The following ESR1 variants were observed in gnomAD, a reference collection of about 807,000 sequenced individuals.
ESR1 encodes estrogen receptor.
A neutral mutation model predicts 52.7 loss-of-function variants in ESR1; 12 were observed. That is an observed-to-expected ratio of 0.23 (90% CI 0.15 to 0.37). The LOEUF (loss-of-function observed/expected upper bound fraction) is 0.37, where lower values mean the gene tolerates loss of function less well. ESR1 is among the 10% of genes least tolerant of loss of function. The probability of loss-of-function intolerance (pLI) is 1.00; values close to 1 mark genes in which losing one functional copy is unlikely to be tolerated. For missense variants in ESR1, 584 were observed against 779.7 expected (o/e 0.75, Z 2.99); for synonymous variants, 305 against 316.8 (o/e 0.96, Z 0.39).
At chr6:151,928,813 G>C (rs911138221) in intron 3 of ESR1, among the ~76,000 whole-genome samples, 8 of 151,362 alleles carry the variant, frequency 5.3e-5, no homozygotes, top group African/African-American at 1.9e-4. Flanking sequence ...CTTTTTCTTT[G>C]ACTCATACGT....
At chr6:151,692,625 G>A (rs3020336) in intron 1 of ESR1, among the ~76,000 whole-genome samples, 2 of 151,908 alleles carry the variant, frequency 1.3e-5, no homozygotes, top group African/African-American at 4.8e-5. Flanking sequence ...AGAAAGAGGC[G>A]CCATCTGTGA....
intron 5 of ESR1, among the ~76,000 whole-genome samples, chr6:152,032,196 C>T (rs2044778694): frequency 6.6e-6 from 1 of 152,158 alleles, no homozygotes; most frequent in South Asian, 2.1e-4. Flanking sequence ...ACTGAATGGA[C>T]AAAACCTGGG....
intron 2 of ESR1, among the ~76,000 whole-genome samples, chr6:151,861,596 G>A (rs920597204): frequency 4.6e-5 from 7 of 152,226 alleles, no homozygotes; most frequent in South Asian, 2.1e-4. Context: ...AGGTGACCAC[G>A]TTCACTGCAA....
intron 6 of ESR1, among the ~76,000 whole-genome samples, chr6:152,080,037 G>A (rs1477757636): frequency 2.0e-5 from 3 of 152,268 alleles, no homozygotes; most frequent in East Asian, 3.9e-4. Flanking sequence ...GGGAAGTGAT[G>A]GGGAGAATGG....
Position 152,099,111 on chromosome 6 carries a change from G to A in ESR1, c.*145G>A, listed in dbSNP as rs1290842046. ...TTTCTAGATGAGTGGCCATTCATTTGCTTGCTCAGTTCTTAGTGGCACATC... is the reference window on the plus strand; with the variant it reads ...TTTCTAGATGAGTGGCCATTCATTTACTTGCTCAGTTCTTAGTGGCACATC... On this transcript the variant is annotated 3_prime_UTR_variant, in exon 8 of 8. Transcript: ENST00000206249. 7.2e-6 allele frequency: 5 copies of A among 695,234 alleles called. No individual in the cohort carries two copies. The highest frequency in any genetic ancestry group is 7.7e-6 in the Non-Finnish European group (3 of 390,188). The allele number at this position is 695,234 out of a possible 1,614,324, so 43.1% of individuals were successfully genotyped here. A position where few individuals can be genotyped will look rare whatever the true frequency, so the allele number is the denominator to read the frequency against.
intron 2 of ESR1, among the ~76,000 whole-genome samples, chr6:151,855,667 G>T (rs1787699040): frequency 6.6e-6 from 1 of 152,170 alleles, no homozygotes; most frequent in Non-Finnish European, 1.5e-5. Flanking sequence ...AAGGTGAAAG[G>T]TTGTGATAAT....
rs76820811 is a variant in ESR1 at position 151,728,457 on chromosome 6, A to G, written c.-71+26452A>G. Among the ~76,000 whole-genome samples the G allele has an allele frequency of 6.2e-3, 947 of 152,358 alleles. 14 individuals carry two copies. Among genetic ancestry groups the G allele is most frequent in the African/African-American group, 0.022 (910 of 41,582 alleles). ...AAAACACTGAGTAGTCTAGTGTTGTAGCTTGATCCAAAACCTTGAATAATT... is the reference window on the plus strand; with the variant it reads ...AAAACACTGAGTAGTCTAGTGTTGTGGCTTGATCCAAAACCTTGAATAATT... On this transcript the variant is annotated intron_variant, in intron 2 of 2. Coordinates refer to the ESR1 transcript ENST00000404742.
intron 6 of ESR1, among the ~76,000 whole-genome samples, chr6:152,087,259 T>C (rs2049801626): frequency 6.6e-6 from 1 of 152,134 alleles, no homozygotes; most frequent in African/African-American, 2.4e-5. Context: ...GGAAGAGAAA[T>C]GACTTCTAAA....
intron 6 of ESR1, among the ~76,000 whole-genome samples, chr6:152,089,952 C>A (rs1337149563): frequency 2.0e-5 from 3 of 152,184 alleles, no homozygotes; most frequent in African/African-American, 2.4e-5. Context: ...ACAAATCCTT[C>A]ATTGTTTGGG....
chr6:151,979,057 G>A (rs768456119), intron 4 of ESR1, among the ~76,000 whole-genome samples: 80 of 152,292 alleles, frequency 5.3e-4, no homozygotes, highest in Middle Eastern at 3.4e-3. Flanking sequence ...GAAGCTTGAA[G>A]TGCTCTATGC....
At chr6:151,872,753 A>G (rs1318766919) in intron 2 of ESR1, among the ~76,000 whole-genome samples, 1 of 152,158 alleles carries the variant, frequency 6.6e-6, no homozygotes, top group Non-Finnish European at 1.5e-5. Flanking sequence ...ACCAAGACAA[A>G]GCATCACTCA....
intron 2 of ESR1, among the ~76,000 whole-genome samples, chr6:151,873,465 G>A (rs1160426466): frequency 6.6e-6 from 1 of 152,162 alleles, no homozygotes; most frequent in Non-Finnish European, 1.5e-5. Flanking sequence ...ATTACCCCCA[G>A]ATAGGAAGTG....
chr6:151,976,364 A>G (rs1015160972), intron 4 of ESR1, among the ~76,000 whole-genome samples: 4 of 151,732 alleles, frequency 2.6e-5, no homozygotes, highest in African/African-American at 9.7e-5. Flanking sequence ...TCATAAAACA[A>G]TTAATCCATC....
chr6:151,878,854 C>T (rs903403637), intron 2 of ESR1, among the ~76,000 whole-genome samples: 66 of 152,100 alleles, frequency 4.3e-4, no homozygotes, highest in African/African-American at 1.5e-3. Flanking sequence ...ATATTCTGCT[C>T]CCTATAAACC....
chr6:151,916,122 G>C (rs1269946202), intron 3 of ESR1, among the ~76,000 whole-genome samples: 1 of 152,172 alleles, frequency 6.6e-6, no homozygotes, highest in Non-Finnish European at 1.5e-5. Flanking sequence ...TTGTGAGAAT[G>C]AATAATGGAA....
At chr6:152,082,520 A>C (rs2049314081) in intron 6 of ESR1, among the ~76,000 whole-genome samples, 1 of 152,222 alleles carries the variant, frequency 6.6e-6, no homozygotes. Flanking sequence ...TGAATGGGCA[A>C]AACCTGGAAG....
At chr6:152,067,093 A>G (rs1276595230) in intron 6 of ESR1, among the ~76,000 whole-genome samples, 2 of 152,206 alleles carry the variant, frequency 1.3e-5, no homozygotes, top group East Asian at 3.8e-4. Flanking sequence ...CCCTGCCTGG[A>G]AATTCTGCAG....
chr6:151,681,257 G>C lies in ESR1; in HGVS notation n.74-20618G>C, dbSNP rs1562326048. On this transcript the variant is annotated intron_variant and non_coding_transcript_variant, in intron 1 of 2. Transcript: ENST00000473497. ...TATTTCTGGCTGGCTCTGTGCAGTA[G>C]ACCATAGAAATAACGATTGTTTCTG... Among the ~76,000 whole-genome samples the C allele has an allele frequency of 2.6e-5, 4 of 152,316 alleles. No individual in the cohort carries two copies. The South Asian group carries it at 8.3e-4, about 32-fold the overall frequency.
intron 2 of ESR1, among the ~76,000 whole-genome samples, chr6:151,794,285 A>G (rs1016641957): frequency 2.6e-5 from 4 of 152,306 alleles, no homozygotes; most frequent in African/African-American, 4.8e-5. Flanking sequence ...CTTCAGATCT[A>G]GTAGTTGTAT....
Sources: gnomAD v4.1 joint callset for allele counts (sites outside exome capture counted in the v4.1 genomes callset) on GRCh38, gnomAD v4.1.1 for gene constraint, MANE v1.5 for transcripts, NCBI Gene and HGNC (gene_info 2026-07-23, HGNC 2026-07-21) for gene names.